Variants in TCP11L1 observed in about 807,000 individuals in gnomAD.
The protein encoded by TCP11L1 is T-complex protein 11-like protein 1.
In TCP11L1, 28 loss-of-function variants were observed where a neutral mutation model predicts 48.9. That is an observed-to-expected ratio of 0.57 (90% confidence interval 0.42 to 0.78). TCP11L1 has a LOEUF of 0.78. Among genes scored for constraint, TCP11L1 ranks in the 30% least tolerant of loss-of-function variants. The pLI is 0.00. For synonymous variants in TCP11L1, 204 were observed against 231.9 expected (o/e 0.88, Z 1.09); for missense variants, 505 against 613.4 (o/e 0.82, Z 1.87).
At chr11:33,055,129 G>A (rs4619126) in intron 3 of TCP11L1, among the ~76,000 whole-genome samples, 60,143 of 152,134 alleles carry the variant, frequency 0.4, 12,038 homozygotes, top group East Asian at 0.45. Flanking sequence ...TTAAAAATGT[G>A]CTGTCATAAG....
At chr11:33,070,221 C>T (rs1854741356) in intron 9 of TCP11L1, among the ~76,000 whole-genome samples, 1 of 151,176 alleles carries the variant, frequency 6.6e-6, no homozygotes, top group Admixed American at 6.6e-5. Context: ...TTTGAGGCTG[C>T]AGTGAGCTAC....
intron 6 of TCP11L1, 96 bp from the exon 7 acceptor site, chr11:33,061,434 T>C: frequency 8.2e-7 from 1 of 1,217,700 alleles, no homozygotes; most frequent in Non-Finnish European, 1.1e-6. Flanking sequence ...ACTTTATACT[T>C]TATCACTCCA....
chr11:33,056,456 C>G (rs949360187), intron 3 of TCP11L1: 1 of 153,136 alleles, frequency 6.5e-6, no homozygotes. Flanking sequence ...TAAGTTGTTA[C>G]AGTTTGGTAC....
rs1216308089 is a variant in TCP11L1 at position 33,043,935 on chromosome 11, C to T, written c.162C>T (p.His54=). ...SSSPQRVQRP[H]SSPPRFVTVE... ...GCCCCCAAAGAGTGCAGAGACCTCACTGTAAGCAAATTTGACTTTGGTTAG... is the reference window on the plus strand; with the variant it reads ...GCCCCCAAAGAGTGCAGAGACCTCATTGTAAGCAAATTTGACTTTGGTTAG... The change falls in exon 2 of 10, where the codon CAC becomes CAT. Residue 54 remains histidine (H), a splice_region_variant and synonymous_variant. Transcript: ENST00000334274. 2.5e-6 allele frequency: 4 copies of T among 1,585,804 alleles called. No homozygotes were observed. The East Asian group carries it at 9.0e-5, about 36-fold the overall frequency.
Position 33,043,933 on chromosome 11 carries a change from C to A in TCP11L1, c.160C>A (p.His54Asn), listed in dbSNP as rs112273344. The change falls in exon 2 of 10, where the codon CAC becomes AAC. Residue 54 changes from histidine (H) to asparagine (N), a missense_variant. Around this residue, in one of 3 missense-constraint regions of TCP11L1, gnomAD observed 168 missense variants for 183.5 expected, o/e 0.92. Coordinates refer to ENST00000334274, the MANE Select transcript of TCP11L1 (RefSeq NM_018393.4). ...CAGCCCCCAAAGAGTGCAGAGACCT[C>A]ACTGTAAGCAAATTTGACTTTGGTT... is the stretch of plus-strand genomic sequence containing the variant. ...SSSPQRVQRP[H>N]SSPPRFVTVE... 1,816 of 1,586,824 alleles carry A rather than the reference C, an allele frequency of 1.1e-3. 13 individuals are homozygous for A. The African/African-American group carries it at 0.022, about 19-fold the overall frequency.
intron 9 of TCP11L1, 143 bp downstream of exon 9, chr11:33,069,002 A>G (rs1806629375): frequency 9.4e-7 from 1 of 1,064,498 alleles, no homozygotes; most frequent in Admixed American, 2.8e-5. Flanking sequence ...CAGAGAGACC[A>G]GGGCCACCCA....
At chr11:33,046,056 C>G (rs1433889391) in intron 2 of TCP11L1, among the ~76,000 whole-genome samples, 1 of 152,252 alleles carries the variant, frequency 6.6e-6, no homozygotes, top group African/African-American at 2.4e-5. Context: ...CCAGAGGCCA[C>G]GCCCTGAGCC....
intron 5 of TCP11L1, 135 bp from the exon 6 acceptor site, chr11:33,058,823 TG>T: frequency 1.2e-6 from 1 of 856,524 alleles, no homozygotes. Context: ...CTGGAACTCC[TG>T]GGCTCAAGCA....
intron 1 of TCP11L1, among the ~76,000 whole-genome samples, chr11:33,042,659 G>C (rs777094354): frequency 2.0e-5 from 3 of 152,176 alleles, no homozygotes; most frequent in Non-Finnish European, 4.4e-5. Flanking sequence ...TCTGTAGGGC[G>C]CAGTGGCTCA....
At chr11:33,063,030 T>A (rs577572272) in intron 7 of TCP11L1, among the ~76,000 whole-genome samples, 28 of 152,236 alleles carry the variant, frequency 1.8e-4, no homozygotes, top group African/African-American at 6.7e-4. Flanking sequence ...CAGCTAATTT[T>A]TAAGTGTGTT....
intron 2 of TCP11L1, among the ~76,000 whole-genome samples, chr11:33,044,867 A>T (rs1853942554): frequency 6.6e-6 from 1 of 152,184 alleles, no homozygotes; most frequent in African/African-American, 2.4e-5. Context: ...TGACTCCAAT[A>T]TGTGTAGTTA....
Position 33,072,759 on chromosome 11 carries a change from C to A in TCP11L1, c.*83C>A. ...ACTCTAATGTTGCATTGGAAAATGG[C>A]TATATAGTACATGTCTATTTAACAG... On this transcript the variant is annotated 3_prime_UTR_variant, in exon 10 of 10. Coordinates refer to ENST00000334274, the MANE Select transcript of TCP11L1 (RefSeq NM_018393.4). The A allele has an allele frequency of 6.9e-7, 1 of 1,455,352 alleles. No individual in the cohort carries two copies. The highest frequency in any genetic ancestry group is 9.6e-7 in the Non-Finnish European group (1 of 1,043,856). 90.2% of individuals were successfully genotyped at this position (1,455,352 alleles called of 1,614,324 possible). A position where few individuals can be genotyped will look rare whatever the true frequency, so the allele number is the denominator to read the frequency against.
chr11:33,057,072 A>G, intron 3 of TCP11L1, 43 bp from the exon 4 acceptor site: 1 of 1,611,848 alleles, frequency 6.2e-7, no homozygotes, highest in Non-Finnish European at 8.5e-7. Context: ...AAACTCAAAT[A>G]TTTTGGTTTT....
chr11:33,046,165 C>G (rs1272526154), intron 2 of TCP11L1, among the ~76,000 whole-genome samples: 2 of 152,252 alleles, frequency 1.3e-5, no homozygotes, highest in Non-Finnish European at 2.9e-5. Context: ...TTGGTGTTCC[C>G]AAGGCCATGA....
intron 1 of TCP11L1, among the ~76,000 whole-genome samples, chr11:33,042,122 G>GTT (rs139193979): frequency 3.3e-5 from 5 of 152,024 alleles, no homozygotes; most frequent in Non-Finnish European, 2.9e-5. Context: ...TTAAAACAGG[G>GTT]TTTTTTTGTT....
intron 8 of TCP11L1, 34 bp downstream of exon 8, chr11:33,066,045 G>C (rs1364724796): frequency 6.2e-7 from 1 of 1,609,196 alleles, no homozygotes; most frequent in Non-Finnish European, 8.5e-7. Context: ...ATGGGACGCA[G>C]TGGATGTCAG....
At position 33,040,909 on chromosome 11, in the gene TCP11L1, A is replaced by G. The variant is rs925975716; in HGVS notation, c.-25+1117A>G. 6 of 152,274 alleles carry G rather than the reference A, an allele frequency of 3.9e-5. No individual in the cohort carries two copies. The South Asian group carries it at 1.0e-3, about 26-fold the overall frequency. The allele number at this position is 152,274 out of a possible 1,614,324, so 9.4% of individuals were successfully genotyped here. Reference sequence around the variant, plus strand: ...CAGAGTTAGTTTCTTCCTCTGCTATATTCCCTGGGCAATTTCATAATGCCA... The same window carrying G: ...CAGAGTTAGTTTCTTCCTCTGCTATGTTCCCTGGGCAATTTCATAATGCCA... On this transcript the variant is annotated intron_variant, in intron 1 of 9. Transcript: ENST00000334274.
chr11:33,069,352 CAT>C (rs1854710448), intron 9 of TCP11L1, among the ~76,000 whole-genome samples: 4 of 151,550 alleles, frequency 2.6e-5, no homozygotes, highest in South Asian at 4.2e-4. Flanking sequence ...ATACTATTAA[CAT>C]ATCAAATATA....
intron 2 of TCP11L1, among the ~76,000 whole-genome samples, chr11:33,046,727 A>G (rs552049544): frequency 3.9e-5 from 6 of 152,362 alleles, no homozygotes; most frequent in African/African-American, 1.4e-4. Context: ...AGGAAGCATT[A>G]TTGAACACAT....
Sources: allele counts gnomAD v4.1 joint callset (sites outside exome capture counted in the v4.1 genomes callset), GRCh38; gene constraint gnomAD v4.1.1; regional missense constraint gnomAD v4.1.1; transcripts MANE v1.5; gene names NCBI Gene and HGNC (gene_info 2026-07-23, HGNC 2026-07-21).